DOCK8: variants seen among roughly 807,000 people sequenced by gnomAD.
DOCK8 encodes the protein dedicator of cytokinesis 8.
A neutral mutation model predicts 245.6 loss-of-function variants in DOCK8; 141 were observed. The observed-to-expected ratio is 0.57, with a 90% CI of 0.50 to 0.66. The LOEUF (loss-of-function observed/expected upper bound fraction) is 0.66, where lower values mean the gene tolerates loss of function less well. Among genes scored for constraint, DOCK8 ranks in the 30% least tolerant of loss-of-function variants. The pLI is 0.00. For synonymous variants in DOCK8, 1,168 were observed against 970.2 expected (o/e 1.20, Z -3.79); for missense variants, 2,965 against 2,603.4 (o/e 1.14, Z -3.02).
At chr9:251,707 A>G (rs138954995) in intron 1 of DOCK8, among the ~76,000 whole-genome samples, 45 of 152,224 alleles carry the variant, frequency 3.0e-4, no homozygotes, top group African/African-American at 1.1e-3. Flanking sequence ...TGTAAAGTGA[A>G]GATAATAATA....
At chr9:328,777 A>T (rs1366279459) in intron 9 of DOCK8, among the ~76,000 whole-genome samples, 1 of 151,516 alleles carries the variant, frequency 6.6e-6, no homozygotes, top group Non-Finnish European at 1.5e-5. Context: ...GAGAGTTGAA[A>T]TCTATGGGGC....
chr9:356,640 C>G (rs1265260083), intron 14 of DOCK8, among the ~76,000 whole-genome samples: 2 of 152,044 alleles, frequency 1.3e-5, no homozygotes, highest in Non-Finnish European at 2.9e-5. Flanking sequence ...GCAGTGCTTC[C>G]TAGTCAGTGA....
In DOCK8 at chr9:399,183, C is replaced by T. The variant is rs143877293; in HGVS notation, c.3158C>T (p.Ala1053Val). 2.5e-5 allele frequency: 40 copies of T among 1,613,952 alleles called. No individual in the cohort carries two copies. The highest frequency in any genetic ancestry group is 3.3e-5 in the Non-Finnish European group (39 of 1,180,012). Residue 1053 changes from alanine to valine, a missense_variant, in exon 26 of 48, where the codon GCT becomes GTT. Ala to Val is a moderately conservative substitution (Grantham distance 64, BLOSUM62 0). Transcript: ENST00000432829. ...GCGGAAAAGATGAACATCAGCCTGGCTTTCTTCTTGTATGACCTTCTCTCC... is the reference window on the plus strand; with the variant it reads ...GCGGAAAAGATGAACATCAGCCTGGTTTTCTTCTTGTATGACCTTCTCTCC... Reference protein sequence around the residue: ...EQAEKMNISLAFFLYDLLSLM... With the variant: ...EQAEKMNISLVFFLYDLLSLM...
At chr9:219,716 G>T (rs1378448672) in intron 1 of DOCK8, among the ~76,000 whole-genome samples, 1 of 152,064 alleles carries the variant, frequency 6.6e-6, no homozygotes, top group South Asian at 2.1e-4. Flanking sequence ...GGGCAACATA[G>T]CAAAACCCTG....
intron 7 of DOCK8, among the ~76,000 whole-genome samples, chr9:317,457 G>A (rs1054308761): frequency 3.3e-5 from 5 of 152,240 alleles, no homozygotes; most frequent in East Asian, 1.9e-4. Context: ...GTACTAACTC[G>A]TGAGATCTGA....
At chr9:258,542 C>T (rs1378828239) in intron 1 of DOCK8, among the ~76,000 whole-genome samples, 1 of 150,348 alleles carries the variant, frequency 6.7e-6, no homozygotes, top group Non-Finnish European at 1.5e-5. Flanking sequence ...TTCAAAATTC[C>T]AGGAGACTTA....
intron 16 of DOCK8, 88 bp downstream of exon 16, chr9:370,388 CTA>C (rs2053232753): frequency 8.5e-7 from 1 of 1,178,974 alleles, no homozygotes; most frequent in Middle Eastern, 1.9e-4. Flanking sequence ...TTCCTCCTAA[CTA>C]TTTTTATAAT....
chr9:266,250 C>A (rs1255775203), intron 1 of DOCK8, among the ~76,000 whole-genome samples: 1 of 152,064 alleles, frequency 6.6e-6, no homozygotes, highest in Non-Finnish European at 1.5e-5. Flanking sequence ...AGAATACTTA[C>A]CATATTATAT....
At chr9:400,052 T>TCAC (rs1194694451) in intron 26 of DOCK8, among the ~76,000 whole-genome samples, 17 of 33,100 alleles carry the variant, frequency 5.1e-4, no homozygotes, top group East Asian at 3.2e-3. Context: ...ACCTCCACCA[T>TCAC]CACCACCTCC....
Position 405,055 on chromosome 9 carries a change from T to G in DOCK8, c.3372T>G (p.Cys1124Trp). 6.2e-7 allele frequency: 1 copy of G among 1,613,764 alleles called. No individual in the cohort carries two copies. ...MNADTAPTSP[C>W]PSISSQNSSS... is the part of the protein sequence containing the mutation. ...CTGATACTGCTCCAACATCTCCTTGTCCTTCCATATCTTCCCAGGTAATAA... is the reference window on the plus strand; with the variant it reads ...CTGATACTGCTCCAACATCTCCTTGGCCTTCCATATCTTCCCAGGTAATAA... Residue 1124 changes from cysteine to tryptophan, a missense_variant, in exon 27 of 48, where the codon TGT (cysteine) becomes TGG (tryptophan). Physicochemically the swap from Cys to Trp is radical, Grantham distance 215. Transcript: ENST00000432829.
chr9:350,580 G>C (rs534929815), intron 14 of DOCK8, among the ~76,000 whole-genome samples: 23 of 152,270 alleles, frequency 1.5e-4, no homozygotes, highest in African/African-American at 5.3e-4. Flanking sequence ...TTTTCTGGCA[G>C]GTTTTCTTTC....
chr9:268,190 C>A (rs1214440168), intron 1 of DOCK8: 2 of 152,200 alleles, frequency 1.3e-5, no homozygotes, highest in Non-Finnish European at 2.9e-5. Context: ...GAATGATTCA[C>A]TATTTTCATT....
chr9:399,981 A>C (rs2054673858), intron 26 of DOCK8, among the ~76,000 whole-genome samples: 1 of 134,640 alleles, frequency 7.4e-6, no homozygotes, highest in African/African-American at 3.0e-5. Context: ...CTCCACCATC[A>C]CCACCTCCCA....
rs567982590 is a variant in DOCK8 at position 250,899 on chromosome 9, A to G, written c.54-20728A>G. 3.2e-3 allele frequency among the ~76,000 whole-genome samples: 489 copies of G among 152,242 alleles called. 1 individual carries two copies. The highest frequency in any genetic ancestry group is 0.01 in the Middle Eastern group (3 of 294). On this transcript the variant is annotated intron_variant, in intron 1 of 47. Coordinates refer to ENST00000432829, the MANE Select transcript of DOCK8 (RefSeq NM_203447.4). ...GAGGGTGGTAGCCTGCGAACATTGG[A>G]TTAGGAGTGAGAGGGACTGAAGGAA...
At chr9:369,079 T>G (rs1176462382) in intron 15 of DOCK8, 1 of 151,796 alleles carries the variant, frequency 6.6e-6, no homozygotes, top group African/African-American at 2.4e-5. Context: ...GTGCTGGGAC[T>G]AAAGGCGTGA....
At chr9:413,556 C>G (rs1490617936) in intron 28 of DOCK8, among the ~76,000 whole-genome samples, 3 of 152,038 alleles carry the variant, frequency 2.0e-5, no homozygotes, top group African/African-American at 7.2e-5. Context: ...TCTTACAACT[C>G]AGTAATAAAA....
chr9:275,562 A>G (rs1257284520), intron 2 of DOCK8, among the ~76,000 whole-genome samples: 1 of 152,176 alleles, frequency 6.6e-6, no homozygotes, highest in East Asian at 1.9e-4. Flanking sequence ...AGAATCATTT[A>G]AACAGCTCTG....
intron 6 of DOCK8, among the ~76,000 whole-genome samples, chr9:314,092 T>C (rs1329368088): frequency 6.6e-6 from 1 of 152,238 alleles, no homozygotes; most frequent in Non-Finnish European, 1.5e-5. Flanking sequence ...ACTACAAAGT[T>C]CGTGTTCCCT....
At chr9:265,810 C>T (rs1438332962) in intron 1 of DOCK8, among the ~76,000 whole-genome samples, 2 of 152,020 alleles carry the variant, frequency 1.3e-5, no homozygotes, top group African/African-American at 4.8e-5. Context: ...TGCATCTTCA[C>T]CTGTTAGAGC....
Sources: allele counts gnomAD v4.1 joint callset (sites outside exome capture counted in the v4.1 genomes callset), GRCh38; gene constraint gnomAD v4.1.1; transcripts MANE v1.5; gene names NCBI Gene and HGNC (gene_info 2026-07-23, HGNC 2026-07-21).